Variants in CA1 observed in about 807,000 individuals in gnomAD.
CA1 encodes carbonic anhydrase 1.
Under a neutral mutation model 28.8 loss-of-function variants are expected in CA1, and 27 were observed. The observed-to-expected ratio is 0.94, with a 90% CI of 0.69 to 1.29. CA1 has a LOEUF of 1.29. Ranked by LOEUF, CA1 falls within the 50% of genes most tolerant of loss-of-function variation. The pLI is 0.00. For missense variants in CA1, 335 were observed against 310.5 expected (o/e 1.08, Z -0.59); for synonymous variants, 121 against 108.8 (o/e 1.11, Z -0.70).
chr8:85,371,000 C>T (rs1370437464), intron 1 of CA1, among the ~76,000 whole-genome samples: 6 of 152,160 alleles, frequency 3.9e-5, no homozygotes, highest in Admixed American at 6.5e-5. Context: ...ACATATGACA[C>T]AGTGTGATAT....
Position 85,328,457 on chromosome 8 carries a change from C to T in CA1, c.*103G>A. ...ATTGATTTGAAGGCATGCTGTCTTG[C>T]TAATATTGAAATAAATTTATTTCTT... On this transcript the variant is annotated 3_prime_UTR_variant, in exon 8 of 8. Coordinates refer to ENST00000523022, the MANE Select transcript of CA1 (RefSeq NM_001128831.4). 2.7e-6 allele frequency: 2 copies of T among 729,008 alleles called. No homozygotes were observed. The highest frequency in any genetic ancestry group is 1.9e-5 in the Admixed American group (1 of 51,384). The allele number at this position is 729,008 out of a possible 1,614,324, so 45.2% of individuals were successfully genotyped here.
intron 1 of CA1, among the ~76,000 whole-genome samples, chr8:85,364,845 G>A (rs902293789): frequency 6.6e-6 from 1 of 152,222 alleles, no homozygotes; most frequent in Admixed American, 6.5e-5. Flanking sequence ...AGGGCTGGGA[G>A]TATCAAATTA....
At chr8:85,336,900 G>A in intron 4 of CA1, 45 bp downstream of exon 4, 4 of 1,126,672 alleles carry the variant, frequency 3.6e-6, no homozygotes, top group Non-Finnish European at 5.4e-6. Flanking sequence ...CTGCTTCTGG[G>A]AGTACTCTCA....
At chr8:85,359,170 C>CTACT (rs1481169172) in intron 1 of CA1, among the ~76,000 whole-genome samples, 1 of 152,156 alleles carries the variant, frequency 6.6e-6, no homozygotes, top group Non-Finnish European at 1.5e-5. Context: ...TTACTGTACC[C>CTACT]TACTCACTGT....
At chr8:85,368,178 T>G (rs1810082899) in intron 1 of CA1, among the ~76,000 whole-genome samples, 1 of 151,594 alleles carries the variant, frequency 6.6e-6, no homozygotes, top group South Asian at 2.1e-4. Flanking sequence ...TAATAATTAT[T>G]ATTATTTTGA....
Position 85,364,591 on chromosome 8 carries a change from G to A in CA1, c.-25+13455C>T, listed in dbSNP as rs1333712352. Among the ~76,000 whole-genome samples the A allele has an allele frequency of 1.5e-4, 23 of 152,104 alleles. 1 individual carries two copies. The highest frequency in any genetic ancestry group is 1.3e-3 in the Admixed American group (20 of 15,278). ...GTGATGTGGTGAACAAACACTTTGAGCACATCCAAAATAAAAACCATCTGG... is the reference window on the plus strand; with the variant it reads ...GTGATGTGGTGAACAAACACTTTGAACACATCCAAAATAAAAACCATCTGG... On this transcript the variant is annotated intron_variant, in intron 1 of 7. Transcript: ENST00000523022.
intron 2 of CA1, among the ~76,000 whole-genome samples, chr8:85,340,493 G>A (rs954523011): frequency 1.3e-5 from 2 of 152,204 alleles, no homozygotes; most frequent in Admixed American, 1.3e-4. Context: ...CAAGGAGATT[G>A]ATGTTATGCT....
chr8:85,333,089 A>C (rs961678965), intron 5 of CA1, among the ~76,000 whole-genome samples: 1 of 152,160 alleles, frequency 6.6e-6, no homozygotes, highest in African/African-American at 2.4e-5. Context: ...TGTAAGAAAA[A>C]ATTCTCTTAC....
intron 1 of CA1, among the ~76,000 whole-genome samples, chr8:85,359,026 G>A (rs894655718): frequency 5.9e-5 from 9 of 152,220 alleles, no homozygotes; most frequent in Admixed American, 1.3e-4. Flanking sequence ...AAACAGAGCC[G>A]AGGCATAGTG....
chr8:85,330,418 T>C (rs1275085403), intron 6 of CA1, among the ~76,000 whole-genome samples: 1 of 152,142 alleles, frequency 6.6e-6, no homozygotes, highest in East Asian at 1.9e-4. Flanking sequence ...ATGATAGTTT[T>C]GTTTTTGCTC....
chr8:85,348,158 A>C (rs1377942071), intron 1 of CA1, among the ~76,000 whole-genome samples: 1 of 152,126 alleles, frequency 6.6e-6, no homozygotes, highest in African/African-American at 2.4e-5. Flanking sequence ...CACTTCAAAA[A>C]CTACTCACTG....
At chr8:85,360,946 A>C (rs576941030) in intron 1 of CA1, among the ~76,000 whole-genome samples, 2 of 152,304 alleles carry the variant, frequency 1.3e-5, no homozygotes, top group East Asian at 3.9e-4. Context: ...TTGCAGAACC[A>C]CCAGGCCCTG....
Position 85,328,361 on chromosome 8 carries a change from A to C in CA1, c.*199T>G. The stretch of plus-strand genomic sequence containing the variant: ...CATAAGCTTATGCTTACAGATTACT[A>C]TTTGCTAGCTTACTAATTATTATTT... On this transcript the variant is annotated 3_prime_UTR_variant, in exon 8 of 8. Coordinates refer to ENST00000523022, the MANE Select transcript of CA1 (RefSeq NM_001128831.4). 1 of 433,858 alleles carries C rather than the reference A, an allele frequency of 2.3e-6. No homozygotes were observed. Among genetic ancestry groups the C allele is most frequent in the Non-Finnish European group, 4.1e-6 (1 of 244,182 alleles). The allele number at this position is 433,858 out of a possible 1,614,324, so 26.9% of individuals were successfully genotyped here. A position where few individuals can be genotyped will look rare whatever the true frequency, so the allele number is the denominator to read the frequency against.
In CA1 at chr8:85,329,687, A is replaced by C; in HGVS notation, c.669+2T>G. On this transcript the variant is annotated splice_donor_variant, in intron 7 of 7. Transcript: ENST00000523022. LOFTEE classifies it high-confidence loss of function. ...CCAGTTCCCATTCATTCACAACTCT[A>C]CCTGCTCTGAGCTGACACTGATGCT... The C allele has an allele frequency of 1.9e-6, 3 of 1,609,622 alleles. No individual in the cohort carries two copies. Among genetic ancestry groups the C allele is most frequent in the Non-Finnish European group, 2.5e-6 (3 of 1,177,284 alleles).
At chr8:85,364,437 A>G (rs573492281) in intron 1 of CA1, among the ~76,000 whole-genome samples, 19 of 152,370 alleles carry the variant, frequency 1.2e-4, no homozygotes, top group African/African-American at 4.6e-4. Context: ...GACTCTTAAA[A>G]TCAGAGTCCG....
intron 7 of CA1, among the ~76,000 whole-genome samples, chr8:85,329,167 T>G (rs1169106524): frequency 1.3e-5 from 2 of 152,144 alleles, no homozygotes; most frequent in African/African-American, 4.8e-5. Flanking sequence ...GTAGGTTTGT[T>G]ATGAGAATTG....
chr8:85,371,413 T>C (rs1810222477), intron 1 of CA1, among the ~76,000 whole-genome samples: 1 of 90,332 alleles, frequency 1.1e-5, no homozygotes, highest in Admixed American at 9.6e-5. Flanking sequence ...TTCTCAGGTG[T>C]GTGTGCGTAT....
At chr8:85,368,421 G>A (rs1340421244) in intron 1 of CA1, among the ~76,000 whole-genome samples, 5 of 151,924 alleles carry the variant, frequency 3.3e-5, no homozygotes, top group Admixed American at 2.6e-4. Flanking sequence ...GCCCTTCTCT[G>A]CCTCCCAAAG....
At chr8:85,377,719 C>G (rs1810470311) in intron 1 of CA1, among the ~76,000 whole-genome samples, 1 of 152,070 alleles carries the variant, frequency 6.6e-6, no homozygotes, top group African/African-American at 2.4e-5. Flanking sequence ...AGGAGAATCA[C>G]TTGAACCTGG....
Sources: allele counts gnomAD v4.1 joint callset (sites outside exome capture counted in the v4.1 genomes callset), GRCh38; gene constraint gnomAD v4.1.1; transcripts MANE v1.5; gene names NCBI Gene and HGNC (gene_info 2026-07-23, HGNC 2026-07-21).